MAP3K5: variants seen among roughly 807,000 people sequenced by gnomAD.
MAP3K5 encodes ASK-1.
MAP3K5 carries 56 observed loss-of-function variants against 158.7 expected under a neutral mutation model. The observed-to-expected ratio is 0.35, with a 90% CI of 0.28 to 0.44. MAP3K5 has a LOEUF of 0.44. Ranked by LOEUF, MAP3K5 falls within the 20% of genes least tolerant of loss-of-function variation. The pLI is 1.00. For synonymous variants in MAP3K5, 579 were observed against 601.7 expected (o/e 0.96, Z 0.55); for missense variants, 1,294 against 1,674.8 (o/e 0.77, Z 3.97).
At chr6:136,753,034 T>A (rs1009807161) in intron 1 of MAP3K5, among the ~76,000 whole-genome samples, 5 of 152,162 alleles carry the variant, frequency 3.3e-5, no homozygotes, top group Non-Finnish European at 7.3e-5. Flanking sequence ...TCCCTAGCTC[T>A]AGCCTACCTC....
At chr6:136,622,823 C>T (rs1363285585) in intron 15 of MAP3K5, 25 bp downstream of exon 15, 1 of 1,599,240 alleles carries the variant, frequency 6.3e-7, no homozygotes, top group Admixed American at 1.7e-5. Context: ...TACAGAACAG[C>T]TTTTAGTAGC....
At chr6:136,791,617 T>A in intron 1 of MAP3K5, 93 bp downstream of exon 1, 1 of 1,397,358 alleles carries the variant, frequency 7.2e-7, no homozygotes, top group South Asian at 1.2e-5. Flanking sequence ...AAGAAGTAAA[T>A]GCTTCCCGCC....
chr6:136,752,380 G>T (rs1214954920), intron 1 of MAP3K5, among the ~76,000 whole-genome samples: 1 of 152,164 alleles, frequency 6.6e-6, no homozygotes, highest in Admixed American at 6.5e-5. Context: ...TGGGTGGGAA[G>T]GTGGGTCATA....
chr6:136,758,032 A>G (rs891684832), intron 1 of MAP3K5, among the ~76,000 whole-genome samples: 1 of 152,244 alleles, frequency 6.6e-6, no homozygotes, highest in African/African-American at 2.4e-5. Context: ...TCTGTAAATA[A>G]TTAAAACTTA....
intron 24 of MAP3K5, among the ~76,000 whole-genome samples, chr6:136,582,900 A>G (rs142561421): frequency 0.026 from 4,004 of 152,264 alleles, 70 homozygotes; most frequent in Middle Eastern, 0.037. Context: ...AATAACACAG[A>G]GGGTTCTGAA....
At chr6:136,559,555 A>T (rs1368057756) in intron 28 of MAP3K5, among the ~76,000 whole-genome samples, 1 of 152,216 alleles carries the variant, frequency 6.6e-6, no homozygotes, top group Non-Finnish European at 1.5e-5. Flanking sequence ...GTTTTTCCTC[A>T]AGTGGATAAA....
intron 8 of MAP3K5, among the ~76,000 whole-genome samples, chr6:136,667,835 G>C (rs1320973085): frequency 6.6e-6 from 1 of 151,140 alleles, no homozygotes; most frequent in African/African-American, 2.4e-5. Context: ...AGCAGAGTGA[G>C]ACCCTGTCTC....
chr6:136,564,621 T>C (rs1379427010), intron 26 of MAP3K5, among the ~76,000 whole-genome samples: 1 of 152,244 alleles, frequency 6.6e-6, no homozygotes, highest in East Asian at 1.9e-4. Flanking sequence ...CTTCTTACTG[T>C]TTTCTCAAGG....
intron 1 of MAP3K5, among the ~76,000 whole-genome samples, chr6:136,740,986 A>G (rs890770440): frequency 1.3e-5 from 2 of 152,178 alleles, no homozygotes; most frequent in Non-Finnish European, 2.9e-5. Context: ...TTACTTCTTC[A>G]TGTTGAATTC....
intron 1 of MAP3K5, among the ~76,000 whole-genome samples, chr6:136,782,427 T>C (rs1398322153): frequency 6.6e-6 from 1 of 152,226 alleles, no homozygotes; most frequent in Non-Finnish European, 1.5e-5. Context: ...TGCTGATTGA[T>C]ACTGACTATG....
intron 18 of MAP3K5, among the ~76,000 whole-genome samples, chr6:136,610,672 A>C (rs1318726923): frequency 6.6e-6 from 1 of 151,750 alleles, no homozygotes; most frequent in Non-Finnish European, 1.5e-5. Flanking sequence ...TGAAAAGAAA[A>C]ATAAGTAACA....
intron 23 of MAP3K5, among the ~76,000 whole-genome samples, chr6:136,586,445 A>G (rs1775144569): frequency 6.6e-6 from 1 of 152,212 alleles, no homozygotes. Flanking sequence ...ACTCTGGGAA[A>G]TGTTTTCTGT....
chr6:136,604,533 T>C (rs982097420), intron 19 of MAP3K5, among the ~76,000 whole-genome samples: 9 of 152,162 alleles, frequency 5.9e-5, no homozygotes, highest in Admixed American at 2.0e-4. Flanking sequence ...CCTGGCAGTC[T>C]GGCAGCGGAG....
chr6:136,751,320 C>T (rs1422153235), intron 1 of MAP3K5, among the ~76,000 whole-genome samples: 1 of 152,170 alleles, frequency 6.6e-6, no homozygotes, highest in African/African-American at 2.4e-5. Context: ...TTCCAGATGG[C>T]ACTGCTGTAG....
intron 1 of MAP3K5, among the ~76,000 whole-genome samples, chr6:136,720,900 C>G (rs1781720348): frequency 6.6e-6 from 1 of 152,188 alleles, no homozygotes; most frequent in African/African-American, 2.4e-5. Context: ...CCACCTCAGT[C>G]TCCCTAGTAA....
At chr6:136,647,660 C>T (rs1026893356) in intron 11 of MAP3K5, 8 of 152,324 alleles carry the variant, frequency 5.3e-5, no homozygotes, top group African/African-American at 1.9e-4. Context: ...ATGAGTCAGA[C>T]TCTGCCGGCC....
At chr6:136,601,159 A>G in intron 20 of MAP3K5, 117 bp from the exon 21 acceptor site, 1 of 882,628 alleles carries the variant, frequency 1.1e-6, no homozygotes, top group Non-Finnish European at 1.8e-6. Flanking sequence ...CAAACATTCA[A>G]TCTGCCCATT....
At position 136,726,504 on chromosome 6, in the gene MAP3K5, C is replaced by G. The variant is rs1176052930; in HGVS notation, c.449-5915G>C. On this transcript the variant is annotated intron_variant, in intron 1 of 29. Transcript: ENST00000359015. Reference sequence around the variant, plus strand: ...GCTACTTGGGAGGCTGAGGCACAAGCATCACTTGAACCTTGGAGGCAGAGG... The same window carrying G: ...GCTACTTGGGAGGCTGAGGCACAAGGATCACTTGAACCTTGGAGGCAGAGG... Among the ~76,000 whole-genome samples, 6 of 151,900 alleles carry G rather than the reference C, an allele frequency of 3.9e-5. No homozygotes were observed. The East Asian group carries it at 1.2e-3, about 29-fold the overall frequency.
Position 136,601,818 on chromosome 6 carries a change from T to C in MAP3K5, c.2841A>G (p.Thr947=). ...FLKVSSKKKK[T]QPKLSALSAG... ...ACCACATACCTGAAAGCTTAGGTTG[T>C]GTCTTTTTCTTTTTGCTTGAAACTT... is the stretch of plus-strand genomic sequence containing the variant. The change falls in exon 20 of 30, where the codon ACA becomes ACG. Residue 947 remains threonine, a synonymous_variant. Transcript: ENST00000359015. 1.2e-6 allele frequency: 2 copies of C among 1,614,130 alleles called. No homozygotes were observed. The highest frequency in any genetic ancestry group is 1.7e-6 in the Non-Finnish European group (2 of 1,180,016).
Sources: allele counts gnomAD v4.1 joint callset (sites outside exome capture counted in the v4.1 genomes callset), GRCh38; gene constraint gnomAD v4.1.1; transcripts MANE v1.5; gene names NCBI Gene and HGNC (gene_info 2026-07-23, HGNC 2026-07-21).